The following CNTNAP3B variants were observed in gnomAD, a reference collection of about 807,000 sequenced individuals.
CNTNAP3B encodes the protein contactin associated protein family member 3B.
CNTNAP3B carries 25 observed loss-of-function variants against 108.9 expected under a neutral mutation model. The observed-to-expected ratio is 0.23, with a 90% confidence interval of 0.17 to 0.32. The LOEUF is 0.32. Ranked by LOEUF, CNTNAP3B falls within the 10% of genes least tolerant of loss-of-function variation. CNTNAP3B has a pLI of 1.00. For synonymous variants in CNTNAP3B, 103 were observed against 473.4 expected, an observed-to-expected ratio of 0.22 and a Z score of 10.16; for missense variants, 252 against 1,210.4, an observed-to-expected ratio of 0.21 and a Z score of 11.75.
At position 42,096,179 on chromosome 9, in the gene CNTNAP3B, C is replaced by A. The variant is rs561985728; in HGVS notation, c.196+8450G>T. Among the ~76,000 whole-genome samples, 21 of 139,430 alleles carry A rather than the reference C, an allele frequency of 1.5e-4. 3 individuals carry two copies. Among genetic ancestry groups the A allele is most frequent in the African/African-American group, 6.0e-4 (21 of 35,188 alleles). The allele number at this position is 139,430 out of a possible 152,430, so 91.5% of individuals were successfully genotyped here. A position where few individuals can be genotyped will look rare whatever the true frequency, so the allele number is the denominator to read the frequency against. On this transcript the variant is annotated intron_variant, in intron 2 of 23. Coordinates refer to ENST00000377561, the MANE Select transcript of CNTNAP3B (RefSeq NM_001201380.3). ...TGTGCAGGCTGCTCTTGGAGACTGG[C>A]GTTCTCCTTTCCACTACACACTTGA...
rs1327928727 is a variant in CNTNAP3B, at chr9:42,047,775, C to T, written c.390+29094G>A. Among the ~76,000 whole-genome samples, 2 of 112,596 alleles carry T rather than the reference C, an allele frequency of 1.8e-5. 1 individual carries two copies. Among genetic ancestry groups the T allele is most frequent in the African/African-American group, 7.6e-5 (2 of 26,422 alleles). 73.9% of individuals were successfully genotyped at this position (112,596 alleles called of 152,430 possible). ...CTGCATCTCCTTTTCATCCTTTCTC[C>T]CTCTCTTGGTTGGTTCTCTGTTTGT... On this transcript the variant is annotated intron_variant, in intron 3 of 23. Coordinates refer to ENST00000377561, the MANE Select transcript of CNTNAP3B (RefSeq NM_001201380.3).
chr9:41,924,568 A>T (rs1267083706), intron 15 of CNTNAP3B, among the ~76,000 whole-genome samples: 2 of 152,212 alleles, frequency 1.3e-5, no homozygotes, highest in East Asian at 3.9e-4. Context: ...TCTATTAGGC[A>T]TCCAAGTGGA....
chr9:41,928,330 C>T (rs1405698117), intron 15 of CNTNAP3B, among the ~76,000 whole-genome samples: 21 of 152,168 alleles, frequency 1.4e-4, no homozygotes, highest in Middle Eastern at 3.4e-3. Flanking sequence ...TCCATTGGCC[C>T]AGGTGGATGC....
intron 1 of CNTNAP3B, among the ~76,000 whole-genome samples, chr9:42,121,890 G>C: frequency 7.1e-6 from 1 of 140,320 alleles, no homozygotes; most frequent in East Asian, 2.1e-4. Context: ...TTTCATGGTT[G>C]CGGCAGAAGA....
At chr9:42,079,675 C>A (rs1188012990) in intron 2 of CNTNAP3B, among the ~76,000 whole-genome samples, 1 of 136,788 alleles carries the variant, frequency 7.3e-6, no homozygotes, top group Non-Finnish European at 1.6e-5. Context: ...GTACATGCCA[C>A]CACGCCCAGC....
chr9:42,077,628 G>A (rs559766076), intron 2 of CNTNAP3B, among the ~76,000 whole-genome samples: 4 of 133,166 alleles, frequency 3.0e-5, no homozygotes, highest in South Asian at 4.9e-4. Flanking sequence ...GGGTGTGGAG[G>A]AGATATTGGT....
rs1368250990 is a variant in CNTNAP3B, at chr9:42,116,211, G to A, written c.86-11472C>T. On this transcript the variant is annotated intron_variant, in intron 1 of 23. Transcript: ENST00000377561. The stretch of plus-strand genomic sequence containing the variant: ...AATGAACAAAGCCTCCAAGAAATAT[G>A]TGACTGTGAAAAGATTCACCAAACT... Among the ~76,000 whole-genome samples, 12 of 137,258 alleles carry A rather than the reference G, an allele frequency of 8.7e-5. 3 individuals carry two copies. Among genetic ancestry groups the A allele is most frequent in the African/African-American group, 3.2e-4 (11 of 34,236 alleles). The allele number at this position is 137,258 out of a possible 152,430, so 90.0% of individuals were successfully genotyped here. A position where few individuals can be genotyped will look rare whatever the true frequency, so the allele number is the denominator to read the frequency against.
intron 10 of CNTNAP3B, among the ~76,000 whole-genome samples, chr9:41,965,265 C>T (rs1172654599): frequency 6.6e-6 from 1 of 152,274 alleles, no homozygotes; most frequent in Admixed American, 6.5e-5. Context: ...AACAATAATC[C>T]ATCCTAAAAT....
chr9:42,127,197 G>T lies in CNTNAP3B; in HGVS notation c.85+1813C>A, dbSNP rs941465757. On this transcript the variant is annotated intron_variant, in intron 1 of 23. Transcript: ENST00000377561. ...CACAGTAGTAGTATTGAAATTTTAC[G>T]TGTCACTCAGCAACTCGCGAGAGTC... Among the ~76,000 whole-genome samples, 3 of 138,406 alleles carry T rather than the reference G, an allele frequency of 2.2e-5. 1 individual carries two copies. Among genetic ancestry groups the T allele is most frequent in the East Asian group, 2.2e-4 (1 of 4,588 alleles). 90.8% of individuals were successfully genotyped at this position (138,406 alleles called of 152,430 possible). A position where few individuals can be genotyped will look rare whatever the true frequency, so the allele number is the denominator to read the frequency against.
chr9:41,966,953 C>T (rs1342065865), intron 10 of CNTNAP3B, among the ~76,000 whole-genome samples: 18 of 150,280 alleles, frequency 1.2e-4, no homozygotes, highest in Non-Finnish European at 7.4e-5. Flanking sequence ...GGCGATAGAG[C>T]GAGACTCTGT....
chr9:41,973,115 T>G (rs1426980221), intron 9 of CNTNAP3B, among the ~76,000 whole-genome samples: 1 of 142,808 alleles, frequency 7.0e-6, no homozygotes, highest in Non-Finnish European at 1.5e-5. Context: ...TTTTTTTTTT[T>G]TGTATTTTTT....
At chr9:42,125,669 T>G (rs1203444681) in intron 1 of CNTNAP3B, among the ~76,000 whole-genome samples, 3 of 137,454 alleles carry the variant, frequency 2.2e-5, no homozygotes, top group Non-Finnish European at 4.7e-5. Context: ...TTTTTTGTTT[T>G]TTTTTTTTTG....
intron 3 of CNTNAP3B, among the ~76,000 whole-genome samples, chr9:42,071,601 T>C (rs1827380945): frequency 7.2e-6 from 1 of 138,762 alleles, no homozygotes. Context: ...TCTATAGATT[T>C]AAATTGGAAG....
At chr9:41,947,675 C>T (rs1422246611) in intron 13 of CNTNAP3B, among the ~76,000 whole-genome samples, 1 of 151,568 alleles carries the variant, frequency 6.6e-6, no homozygotes, top group Non-Finnish European at 1.5e-5. Context: ...AAGGAGATAA[C>T]AAAGAGAAGA....
chr9:42,126,458 T>C (rs1297461929), intron 1 of CNTNAP3B, among the ~76,000 whole-genome samples: 2 of 136,682 alleles, frequency 1.5e-5, no homozygotes, highest in Non-Finnish European at 3.1e-5. Context: ...TACGAAAATA[T>C]TTCCCTTCAT....
chr9:42,010,806 TC>T (rs1460247206), intron 4 of CNTNAP3B, among the ~76,000 whole-genome samples: 1 of 42,700 alleles, frequency 2.3e-5, no homozygotes, highest in Non-Finnish European at 4.3e-5. Flanking sequence ...CAGGTTTCAG[TC>T]AATAGGTGGC....
At chr9:41,969,124 G>A in intron 10 of CNTNAP3B, among the ~76,000 whole-genome samples, 1 of 152,204 alleles carries the variant, frequency 6.6e-6, no homozygotes, top group Non-Finnish European at 1.5e-5. Flanking sequence ...TTTTAAATCT[G>A]TAGCATTTAT....
intron 14 of CNTNAP3B, among the ~76,000 whole-genome samples, chr9:41,932,783 G>T (rs1320058671): frequency 6.6e-6 from 1 of 152,128 alleles, no homozygotes; most frequent in Non-Finnish European, 1.5e-5. Context: ...CTCGCAAAGT[G>T]CTGGGATAAC....
intron 13 of CNTNAP3B, among the ~76,000 whole-genome samples, chr9:41,944,358 T>C (rs1824459621): frequency 6.9e-6 from 1 of 145,240 alleles, no homozygotes; most frequent in Non-Finnish European, 1.5e-5. Flanking sequence ...TGGGTGATTA[T>C]GGCTTATGAA....
Sources: gnomAD v4.1 joint callset for allele counts (sites outside exome capture counted in the v4.1 genomes callset) on GRCh38, gnomAD v4.1.1 for gene constraint, MANE v1.5 for transcripts, NCBI Gene and HGNC (gene_info 2026-07-23, HGNC 2026-07-21) for gene names.